CHRNB4: variants seen among roughly 807,000 people sequenced by gnomAD.
The protein encoded by CHRNB4 is neuronal acetylcholine receptor subunit beta-4.
Under a neutral mutation model 40.4 loss-of-function variants are expected in CHRNB4, and 23 were observed. The observed-to-expected ratio is 0.57, with a 90% confidence interval of 0.41 to 0.81. The LOEUF (loss-of-function observed/expected upper bound fraction) is 0.81. Ranked by LOEUF, CHRNB4 falls within the 30% of genes least tolerant of loss-of-function variation. The pLI, the probability that CHRNB4 is intolerant of heterozygous loss-of-function variation, is 0.00. For synonymous variants in CHRNB4, 285 were observed against 274.4 expected (o/e 1.04, Z -0.38); for missense variants, 568 against 670.6 (o/e 0.85, Z 1.69).
At chr15:78,631,417 G>A in intron 2 of CHRNB4, 85 bp from the exon 3 acceptor site, 1 of 1,384,944 alleles carries the variant, frequency 7.2e-7, no homozygotes, top group Non-Finnish European at 1.0e-6. Context: ...AAGGCTGTGA[G>A]CTCCAGGCCC....
At chr15:78,654,964 T>C (rs138717458) in intron 5 of CHRNB4, among the ~76,000 whole-genome samples, 2,180 of 152,268 alleles carry the variant, frequency 0.014, 22 homozygotes, top group Non-Finnish European at 0.024. Flanking sequence ...ACCCCAACTT[T>C]ATGGACGGAT....
intron 4 of CHRNB4, 120 bp from the exon 5 acceptor site, chr15:78,630,065 C>T (rs2053767752): frequency 8.7e-7 from 1 of 1,150,248 alleles, no homozygotes; most frequent in South Asian, 2.1e-5. Context: ...TCCAATCCCC[C>T]AGGCCCTCAC....
rs780567504 is a variant in CHRNB4, at chr15:78,625,097, C to A, written c.*36G>T. ...AGAAGCAGCAAAGTGCCCACCCGGC[C>A]ACTCACATCCTCTCACCCCACAACC... is the stretch of plus-strand genomic sequence containing the variant. On this transcript the variant is annotated 3_prime_UTR_variant, in exon 6 of 6. Coordinates refer to ENST00000261751, the MANE Select transcript of CHRNB4 (RefSeq NM_000750.5). The A allele has an allele frequency of 1.9e-5, 31 of 1,613,602 alleles. No homozygotes were observed. Among genetic ancestry groups the A allele is most frequent in the Non-Finnish European group, 2.4e-5 (28 of 1,180,014 alleles).
rs1029605000 is a variant in CHRNB4, at chr15:78,626,639, G to T, written c.1339-1348C>A. The T allele has an allele frequency of 2.0e-5, 3 of 152,320 alleles. No individual in the cohort carries two copies. The East Asian group carries it at 5.8e-4, about 29-fold the overall frequency. 9.4% of individuals were successfully genotyped at this position (152,320 alleles called of 1,614,324 possible). On this transcript the variant is annotated intron_variant, in intron 5 of 5. Coordinates refer to ENST00000261751, the MANE Select transcript of CHRNB4 (RefSeq NM_000750.5). ...AGGCAGATCTGGGTACAGAGCCTGG[G>T]CCAGCTGTTTGACACTGGCCAAGTC...
intron 1 of CHRNB4, 63 bp downstream of exon 1, chr15:78,641,016 G>T: frequency 6.6e-7 from 1 of 1,517,274 alleles, no homozygotes; most frequent in Non-Finnish European, 8.9e-7. Flanking sequence ...CCCACCTGTG[G>T]CCAGTCCAGC....
chr15:78,635,209 A>G (rs1275491621), intron 2 of CHRNB4, among the ~76,000 whole-genome samples: 1 of 152,132 alleles, frequency 6.6e-6, no homozygotes, highest in Non-Finnish European at 1.5e-5. Flanking sequence ...TGCCTACCCA[A>G]TGGTCATCCT....
chr15:78,639,934 G>A (rs1475742399), intron 1 of CHRNB4, among the ~76,000 whole-genome samples: 2 of 152,196 alleles, frequency 1.3e-5, no homozygotes, highest in Admixed American at 1.3e-4. Flanking sequence ...GAAGAGCCAC[G>A]ATACACAGAC....
upstream of CHRNB4, among the ~76,000 whole-genome samples, chr15:78,642,850 T>C (rs1256072424): frequency 6.6e-6 from 1 of 152,234 alleles, no homozygotes; most frequent in African/African-American, 2.4e-5. Context: ...TATGGGTCTT[T>C]GTCACAGAGA....
chr15:78,659,553 G>A (rs895399518), intron 1 of CHRNB4, among the ~76,000 whole-genome samples: 2 of 152,164 alleles, frequency 1.3e-5, no homozygotes, highest in African/African-American at 2.4e-5. Context: ...GCTCTCTGAG[G>A]AGGTGACATT....
Position 78,629,241 on chromosome 15 carries a change from C to T in CHRNB4, c.1064G>A (p.Ser355Asn), listed in dbSNP as rs1265562775. The T allele has an allele frequency of 6.2e-7, 1 of 1,613,342 alleles. No individual in the cohort carries two copies. The highest frequency in any genetic ancestry group is 1.1e-5 in the South Asian group (1 of 91,038). ...LFMKRPGPDSSPARAFPPSKS... is the reference protein window; with the variant it reads ...LFMKRPGPDSNPARAFPPSKS... ...GCTGGGCGGGAAGGCTCTGGCCGGG[C>T]TGCTGTCGGGGCCAGGGCGCTTCAT... is the stretch of plus-strand genomic sequence containing the variant. Residue 355 changes from serine (S) to asparagine (N), a missense_variant, in exon 5 of 6, where the codon AGC (serine) becomes AAC (asparagine). Ser to Asn is a conservative substitution (Grantham distance 46). Coordinates refer to ENST00000261751, the MANE Select transcript of CHRNB4 (RefSeq NM_000750.5). The surrounding 1 kb of genome is among the most constrained non-coding windows in gnomAD (Gnocchi z 6.8).
chr15:78,624,937 G>A lies in CHRNB4; in HGVS notation c.*196C>T. The A allele has an allele frequency of 2.0e-6, 3 of 1,488,690 alleles. No homozygotes were observed. The highest frequency in any genetic ancestry group is 2.7e-6 in the Non-Finnish European group (3 of 1,122,296). The allele number at this position is 1,488,690 out of a possible 1,614,324, so 92.2% of individuals were successfully genotyped here. On this transcript the variant is annotated 3_prime_UTR_variant, in exon 6 of 6. Transcript: ENST00000261751. ...AAGCTCCCTCCTACTGGGGCTTCCTGGGATCCCTCCAAGGCATTCAGAGAG... is the reference window on the plus strand; with the variant it reads ...AAGCTCCCTCCTACTGGGGCTTCCTAGGATCCCTCCAAGGCATTCAGAGAG...
At chr15:78,650,104 T>A (rs2054160150) in intron 6 of CHRNB4, among the ~76,000 whole-genome samples, 1 of 152,240 alleles carries the variant, frequency 6.6e-6, no homozygotes, top group East Asian at 1.9e-4. Flanking sequence ...CGGTCCCTTG[T>A]CTGGCCTAGC....
intron 3 of CHRNB4, 50 bp from the exon 4 acceptor site, chr15:78,631,235 G>A (rs2053802677): frequency 6.2e-7 from 1 of 1,612,992 alleles, no homozygotes; most frequent in South Asian, 1.1e-5. Context: ...TGCCACCAAA[G>A]GGCAGCCCTA....
upstream of CHRNB4, chr15:78,661,149 G>T (rs1164275557): frequency 4.8e-6 from 3 of 622,066 alleles, no homozygotes; most frequent in Non-Finnish European, 9.3e-6. Flanking sequence ...CTGGGGCCTT[G>T]CCGAAATGCC....
chr15:78,635,202 C>T (rs1289778944), intron 2 of CHRNB4, among the ~76,000 whole-genome samples: 2 of 152,238 alleles, frequency 1.3e-5, no homozygotes, highest in Non-Finnish European at 2.9e-5. Context: ...CATTGGCTGC[C>T]TACCCAATGG....
intron 1 of CHRNB4, among the ~76,000 whole-genome samples, chr15:78,636,524 C>T (rs1487090180): frequency 1.3e-5 from 2 of 152,158 alleles, no homozygotes; most frequent in Admixed American, 6.5e-5. Flanking sequence ...TACCTCTACC[C>T]CAGATACTCA....
chr15:78,648,893 C>T (rs1220234174), intron 7 of CHRNB4, among the ~76,000 whole-genome samples: 1 of 152,116 alleles, frequency 6.6e-6, no homozygotes, highest in African/African-American at 2.4e-5. Flanking sequence ...ATCCTCCCAC[C>T]TCAGCCTCCC....
intron 1 of CHRNB4, 124 bp downstream of exon 1, chr15:78,640,955 C>G (rs1296915912): frequency 1.7e-6 from 2 of 1,143,270 alleles, no homozygotes; most frequent in South Asian, 1.4e-5. Flanking sequence ...CCCCATCTGG[C>G]CGGGACAATC....
intron 1 of CHRNB4, among the ~76,000 whole-genome samples, chr15:78,636,617 T>A (rs1297658167): frequency 6.6e-6 from 1 of 151,956 alleles, no homozygotes; most frequent in East Asian, 1.9e-4. Flanking sequence ...TTTTCCTTTT[T>A]TTTTTTTTAG....
Sources: gnomAD v4.1 joint callset for allele counts (sites outside exome capture counted in the v4.1 genomes callset) on GRCh38, gnomAD v4.1.1 for gene constraint, Gnocchi (gnomAD v3.1) non-coding constraint, MANE v1.5 for transcripts, NCBI Gene and HGNC (gene_info 2026-07-23, HGNC 2026-07-21) for gene names.